Variants in ADAMTS16 observed in about 807,000 individuals in gnomAD.
ADAMTS16 encodes the protein ADAM metallopeptidase with thrombospondin type 1 motif 16.
A neutral mutation model predicts 145.8 loss-of-function variants in ADAMTS16; 94 were observed. The ratio of observed to expected loss-of-function variants is 0.64; its 90% CI spans 0.55 to 0.77. The LOEUF is 0.77. Among genes scored for constraint, ADAMTS16 ranks in the 30% least tolerant of loss-of-function variants. The pLI, the probability that ADAMTS16 is intolerant of heterozygous loss-of-function variation, is 0.00. For missense variants in ADAMTS16, 1,585 were observed against 1,591.5 expected (o/e 1.00, Z 0.07); for synonymous variants, 659 against 604.3 (o/e 1.09, Z -1.33).
chr5:5,152,891 A>C (rs1002893971), intron 3 of ADAMTS16, among the ~76,000 whole-genome samples: 1 of 152,238 alleles, frequency 6.6e-6, no homozygotes, highest in Non-Finnish European at 1.5e-5. Context: ...ATTGCTCCTC[A>C]AATTGCCATT....
chr5:5,281,346 T>C (rs1738898726), intron 18 of ADAMTS16, among the ~76,000 whole-genome samples: 1 of 152,188 alleles, frequency 6.6e-6, no homozygotes, highest in Non-Finnish European at 1.5e-5. Context: ...AAACATGTAT[T>C]TTAACACTTC....
chr5:5,155,167 A>G (rs751526259), intron 3 of ADAMTS16, among the ~76,000 whole-genome samples: 3 of 152,102 alleles, frequency 2.0e-5, no homozygotes, highest in Non-Finnish European at 4.4e-5. Flanking sequence ...TCCTCCTTAA[A>G]TGTTACCTTT....
intron 3 of ADAMTS16, among the ~76,000 whole-genome samples, chr5:5,157,611 C>T (rs895201411): frequency 2.0e-5 from 3 of 152,134 alleles, no homozygotes; most frequent in African/African-American, 7.2e-5. Context: ...CAAAACATGT[C>T]AAGTGAAATG....
At chr5:5,312,647 C>T (rs959001801) in intron 21 of ADAMTS16, among the ~76,000 whole-genome samples, 3 of 152,036 alleles carry the variant, frequency 2.0e-5, no homozygotes, top group African/African-American at 4.8e-5. Flanking sequence ...GGGGTTTTGC[C>T]GTGTTGGCCA....
chr5:5,184,422 G>A (rs764133548), intron 4 of ADAMTS16, among the ~76,000 whole-genome samples: 2 of 152,092 alleles, frequency 1.3e-5, no homozygotes, highest in Non-Finnish European at 2.9e-5. Context: ...TCTGTGCATC[G>A]ATATTTCCAT....
At position 5,318,262 on chromosome 5, in the gene ADAMTS16, C is replaced by T; in HGVS notation, c.3540C>T (p.Cys1180=). ...CCCTGGCCTGCAACACTCACTTCTG[C>T]CCCATTGCAGAGAAGAAAGGTGAGT... is the stretch of plus-strand genomic sequence containing the variant. The part of the protein sequence containing the change: ...SASLACNTHF[C]PIAEKKDAFC... Residue 1180 remains cysteine (C), a synonymous_variant, in exon 22 of 23, where the codon TGC becomes TGT. Transcript: ENST00000274181. The T allele has an allele frequency of 6.6e-7, 1 of 1,519,964 alleles. No individual in the cohort carries two copies. The allele number at this position is 1,519,964 out of a possible 1,614,324, so 94.2% of individuals were successfully genotyped here.
At chr5:5,204,534 T>C (rs552061896) in intron 9 of ADAMTS16, among the ~76,000 whole-genome samples, 3 of 152,344 alleles carry the variant, frequency 2.0e-5, no homozygotes, top group East Asian at 1.9e-4. Context: ...TGGAACCCTG[T>C]GTATTGGAAT....
chr5:5,300,816 G>A (rs1397179176), intron 18 of ADAMTS16, among the ~76,000 whole-genome samples: 1 of 152,160 alleles, frequency 6.6e-6, no homozygotes, highest in Non-Finnish European at 1.5e-5. Context: ...TGGAGAACTT[G>A]AGGAAAGGCA....
intron 10 of ADAMTS16, among the ~76,000 whole-genome samples, chr5:5,215,841 G>GTA (rs374604690): frequency 7.6e-4 from 83 of 108,516 alleles, no homozygotes; most frequent in Admixed American, 2.1e-3. Context: ...TATGTGGTGT[G>GTA]TATATATATA....
chr5:5,245,035 T>C (rs1737398219), intron 17 of ADAMTS16, among the ~76,000 whole-genome samples: 1 of 152,228 alleles, frequency 6.6e-6, no homozygotes, highest in Admixed American at 6.5e-5. Flanking sequence ...AAGATCTCAT[T>C]ACTCAATTTT....
intron 3 of ADAMTS16, among the ~76,000 whole-genome samples, chr5:5,181,525 T>C (rs1334415366): frequency 6.6e-6 from 1 of 152,192 alleles, no homozygotes; most frequent in East Asian, 1.9e-4. Flanking sequence ...TAAGAACAAT[T>C]TTTATGCTTT....
At chr5:5,286,109 G>C (rs1247127914) in intron 18 of ADAMTS16, among the ~76,000 whole-genome samples, 1 of 152,162 alleles carries the variant, frequency 6.6e-6, no homozygotes, top group Non-Finnish European at 1.5e-5. Flanking sequence ...TGGGTTGGCT[G>C]CTTTCCCATT....
chr5:5,152,225 C>CA (rs1296038625), intron 3 of ADAMTS16, among the ~76,000 whole-genome samples: 4 of 152,240 alleles, frequency 2.6e-5, no homozygotes, highest in African/African-American at 9.6e-5. Flanking sequence ...ACCTCCAAGA[C>CA]ACCGAATTGC....
intron 17 of ADAMTS16, among the ~76,000 whole-genome samples, chr5:5,252,927 T>C (rs1737672387): frequency 6.6e-6 from 1 of 152,216 alleles, no homozygotes; most frequent in Non-Finnish European, 1.5e-5. Flanking sequence ...TCTCCACTGG[T>C]GCTCTTTATC....
At position 5,149,766 on chromosome 5, in the gene ADAMTS16, C is replaced by G. The variant is rs141724031; in HGVS notation, c.501+3311C>G. 3.3e-4 allele frequency among the ~76,000 whole-genome samples: 50 copies of G among 152,298 alleles called. No individual in the cohort carries two copies. In the East Asian group the frequency reaches 3.9e-3, roughly 12 times the overall value. ...CCCATCCTAGGTAGTATAGGTTTGCCTAATCTGGCCATTGATTATAAACAG... is the reference window on the plus strand; with the variant it reads ...CCCATCCTAGGTAGTATAGGTTTGCGTAATCTGGCCATTGATTATAAACAG... On this transcript the variant is annotated intron_variant, in intron 3 of 22. Transcript: ENST00000274181.
At chr5:5,288,619 T>A (rs1249094658) in intron 18 of ADAMTS16, among the ~76,000 whole-genome samples, 2 of 152,196 alleles carry the variant, frequency 1.3e-5, no homozygotes, top group East Asian at 3.8e-4. Context: ...TATCTGGGTA[T>A]AAAATAGATA....
Position 5,306,673 on chromosome 5 carries a change from C to A in ADAMTS16, c.3356C>A (p.Pro1119Gln), listed in dbSNP as rs1579409633. The A allele has an allele frequency of 1.2e-6, 2 of 1,614,022 alleles. No homozygotes were observed. The highest frequency in any genetic ancestry group is 1.1e-5 in the South Asian group (1 of 91,082). ...CCGCTTCCATGCCCCAGGCACCCCC[C>A]ATTTGCTGCTGCGGGACCCTCGAGG... ...CAPLPCPRHP[P>Q]FAAAGPSRGS... The change falls in exon 21 of 23, where the codon CCA becomes CAA. Residue 1119 changes from proline to glutamine, a missense_variant. Around this residue, in one of 3 missense-constraint regions of ADAMTS16, gnomAD observed 834 missense variants for 811.7 expected, o/e 1.03. Coordinates refer to ENST00000274181, the MANE Select transcript of ADAMTS16 (RefSeq NM_139056.4).
At chr5:5,266,640 C>T (rs1738248943) in intron 18 of ADAMTS16, among the ~76,000 whole-genome samples, 2 of 152,230 alleles carry the variant, frequency 1.3e-5, no homozygotes, top group Non-Finnish European at 2.9e-5. Context: ...CTACTTGACA[C>T]TCACTGCAAG....
chr5:5,292,233 C>T (rs1205832466), intron 18 of ADAMTS16, among the ~76,000 whole-genome samples: 1 of 152,212 alleles, frequency 6.6e-6, no homozygotes, highest in Non-Finnish European at 1.5e-5. Context: ...CAGTGGCTCA[C>T]GCCTGTAATC....
Sources: gnomAD v4.1 joint callset for allele counts (sites outside exome capture counted in the v4.1 genomes callset) on GRCh38, gnomAD v4.1.1 for gene constraint, gnomAD v4.1.1 regional missense constraint, MANE v1.5 for transcripts, NCBI Gene and HGNC (gene_info 2026-07-23, HGNC 2026-07-21) for gene names.